The following HUNK variants were observed in gnomAD, a reference collection of about 807,000 sequenced individuals.
The protein encoded by HUNK is hormonally up-regulated neu tumor-associated kinase.
A neutral mutation model predicts 61.0 loss-of-function variants in HUNK; 21 were observed. The ratio of observed to expected loss-of-function variants is 0.34; its 90% CI spans 0.24 to 0.50. The LOEUF is 0.50. Among genes scored for constraint, HUNK ranks in the 20% least tolerant of loss-of-function variants. HUNK has a pLI of 0.98. For missense variants in HUNK, 772 were observed against 945.7 expected, an observed-to-expected ratio of 0.82 and a Z score of 2.41; for synonymous variants, 371 against 386.1, an observed-to-expected ratio of 0.96 and a Z score of 0.46.
chr21:31,949,458 T>C (rs1473772963), intron 4 of HUNK, among the ~76,000 whole-genome samples: 5 of 152,190 alleles, frequency 3.3e-5, no homozygotes, highest in Admixed American at 2.6e-4. Context: ...CACACTGTCT[T>C]CCCTCAATAA....
At chr21:31,958,166 C>T (rs747550354) in intron 4 of HUNK, among the ~76,000 whole-genome samples, 9 of 152,058 alleles carry the variant, frequency 5.9e-5, no homozygotes, top group Admixed American at 1.3e-4. Context: ...CCATAACATT[C>T]GGAGAGAGCA....
chr21:31,911,796 C>G (rs1306746863), intron 1 of HUNK, among the ~76,000 whole-genome samples: 1 of 152,022 alleles, frequency 6.6e-6, no homozygotes. Context: ...CATGGATCGC[C>G]TGCTGTAATG....
intron 1 of HUNK, among the ~76,000 whole-genome samples, chr21:31,904,165 G>T (rs1432905926): frequency 6.6e-6 from 1 of 151,672 alleles, no homozygotes; most frequent in Admixed American, 6.6e-5. Flanking sequence ...CAAAAGATTG[G>T]CCTTTTATGT....
chr21:31,915,498 A>T (rs992452603), intron 1 of HUNK, among the ~76,000 whole-genome samples: 6 of 152,232 alleles, frequency 3.9e-5, no homozygotes, highest in Non-Finnish European at 8.8e-5. Context: ...AGCACATTGT[A>T]TAATGTGTAA....
chr21:31,982,871 T>G (rs1470415919), intron 7 of HUNK, among the ~76,000 whole-genome samples: 1 of 152,170 alleles, frequency 6.6e-6, no homozygotes, highest in Non-Finnish European at 1.5e-5. Context: ...TGGCACGATC[T>G]TGGCTCACTG....
At chr21:31,875,234 C>T (rs530276083) in intron 1 of HUNK, among the ~76,000 whole-genome samples, 1 of 152,340 alleles carries the variant, frequency 6.6e-6, no homozygotes, top group African/African-American at 2.4e-5. Context: ...CAGGGCCAAC[C>T]TGCCCTTCCT....
chr21:31,955,887 AG>A (rs1469281963), intron 4 of HUNK, among the ~76,000 whole-genome samples: 5 of 152,244 alleles, frequency 3.3e-5, no homozygotes, highest in African/African-American at 1.2e-4. Context: ...AGCCAAGATT[AG>A]GCACTCAGAG....
At position 31,873,503 on chromosome 21, in the gene HUNK, C is replaced by A; in HGVS notation, c.-172C>A. 2.6e-6 allele frequency: 1 copy of A among 383,962 alleles called. No individual in the cohort carries two copies. The highest frequency in any genetic ancestry group is 3.6e-6 in the Non-Finnish European group (1 of 280,228). The allele number at this position is 383,962 out of a possible 1,614,324, so 23.8% of individuals were successfully genotyped here. On this transcript the variant is annotated 5_prime_UTR_variant, in exon 1 of 11. It adds an upstream start codon to the 5' untranslated region. Coordinates refer to ENST00000270112, the MANE Select transcript of HUNK (RefSeq NM_014586.2). This position sits in a 1 kb window ranked among gnomAD's most constrained non-coding sequence, Gnocchi z 6.1. ...CAGCCGCTATTGTCTACGCGCCTCG[C>A]TGGGCGGCGCGGGGGGCGTGATCGC...
intron 1 of HUNK, among the ~76,000 whole-genome samples, chr21:31,889,395 A>G (rs1463240399): frequency 6.6e-6 from 1 of 152,170 alleles, no homozygotes; most frequent in Non-Finnish European, 1.5e-5. Context: ...AGTGAAACCA[A>G]ATGGATAAAG....
chr21:31,909,834 C>T (rs1008249103), intron 1 of HUNK, among the ~76,000 whole-genome samples: 1 of 152,358 alleles, frequency 6.6e-6, no homozygotes, highest in East Asian at 1.9e-4. Flanking sequence ...TTACCCACAT[C>T]GTTTCTTTGG....
At chr21:31,906,143 A>G (rs1209484445) in intron 1 of HUNK, among the ~76,000 whole-genome samples, 1 of 152,080 alleles carries the variant, frequency 6.6e-6, no homozygotes, top group Non-Finnish European at 1.5e-5. Flanking sequence ...TTGTTGGCTC[A>G]GTTTTAGCTA....
chr21:31,990,396 A>C (rs2053163705), intron 9 of HUNK, among the ~76,000 whole-genome samples: 1 of 150,298 alleles, frequency 6.7e-6, no homozygotes, highest in South Asian at 2.1e-4. Flanking sequence ...TAGAGGCAGA[A>C]TTTCTTTTGC....
At chr21:31,935,770 A>G (rs937038649) in intron 2 of HUNK, among the ~76,000 whole-genome samples, 2 of 152,070 alleles carry the variant, frequency 1.3e-5, no homozygotes, top group Admixed American at 6.6e-5. Flanking sequence ...ATTTGTTTTT[A>G]TCACTGAAGA....
chr21:31,926,169 C>T (rs760591275), intron 2 of HUNK, among the ~76,000 whole-genome samples: 15 of 152,338 alleles, frequency 9.8e-5, no homozygotes, highest in East Asian at 7.7e-4. Flanking sequence ...CCGCCCTCCT[C>T]GGCCTCCCGA....
At position 31,990,042 on chromosome 21, in the gene HUNK, C is replaced by T. The variant is rs1253805796; in HGVS notation, c.1258-87C>T. The T allele has an allele frequency of 5.8e-6, 7 of 1,200,372 alleles. No homozygotes were observed. The South Asian group carries it at 7.3e-5, about 13-fold the overall frequency. The allele number at this position is 1,200,372 out of a possible 1,614,324, so 74.4% of individuals were successfully genotyped here. ...AAAACCGAAACGAATAATTCTCAACCAGAGCTGCAGGGCCGTAGGGGAAGC... is the reference window on the plus strand; with the variant it reads ...AAAACCGAAACGAATAATTCTCAACTAGAGCTGCAGGGCCGTAGGGGAAGC... On this transcript the variant is annotated intron_variant, in intron 8 of 10. Coordinates refer to ENST00000270112, the MANE Select transcript of HUNK (RefSeq NM_014586.2).
At chr21:31,970,638 G>A (rs540628706) in intron 6 of HUNK, among the ~76,000 whole-genome samples, 13 of 152,244 alleles carry the variant, frequency 8.5e-5, no homozygotes, top group East Asian at 3.9e-4. Flanking sequence ...TGTAATCACC[G>A]CCTAAATGAG....
At chr21:31,894,419 C>T (rs1303545177) in intron 1 of HUNK, among the ~76,000 whole-genome samples, 1 of 152,196 alleles carries the variant, frequency 6.6e-6, no homozygotes, top group African/African-American at 2.4e-5. Flanking sequence ...TCAGAATACT[C>T]ACTGCTGGGG....
In HUNK at chr21:31,999,435, C is replaced by T; in HGVS notation, c.*251C>T. ...TTCAGATCTTCCTTCCTCCCAAGTA[C>T]TCACCAACCCCTTCCACTTCCCACT... is the stretch of plus-strand genomic sequence containing the variant. On this transcript the variant is annotated 3_prime_UTR_variant, in exon 11 of 11. Coordinates refer to ENST00000270112, the MANE Select transcript of HUNK (RefSeq NM_014586.2). 1.1e-5 allele frequency: 5 copies of T among 457,628 alleles called. No homozygotes were observed. The highest frequency in any genetic ancestry group is 7.7e-6 in the Non-Finnish European group (2 of 260,464). The allele number at this position is 457,628 out of a possible 1,614,324, so 28.3% of individuals were successfully genotyped here. A position where few individuals can be genotyped will look rare whatever the true frequency, so the allele number is the denominator to read the frequency against.
intron 10 of HUNK, among the ~76,000 whole-genome samples, chr21:31,997,554 A>T (rs2053214369): frequency 6.6e-6 from 1 of 152,236 alleles, no homozygotes. Context: ...AGAGACAGGC[A>T]GTAAAATGGT....
Sources: allele counts gnomAD v4.1 joint callset (sites outside exome capture counted in the v4.1 genomes callset), GRCh38; gene constraint gnomAD v4.1.1; non-coding constraint Gnocchi (gnomAD v3.1); transcripts MANE v1.5; gene names NCBI Gene and HGNC (gene_info 2026-07-23, HGNC 2026-07-21).